The following PPID variants were observed in gnomAD, a reference collection of about 807,000 sequenced individuals.
PPID encodes peptidylprolyl isomerase D.
A neutral mutation model predicts 48.1 loss-of-function variants in PPID; 47 were observed. That is an observed-to-expected ratio of 0.98 (90% CI 0.77 to 1.25). The LOEUF (loss-of-function observed/expected upper bound fraction) is 1.25. PPID is among the 50% of genes most tolerant of loss of function. PPID has a pLI of 0.00. For missense variants in PPID, 429 were observed against 443.5 expected (o/e 0.97, Z 0.29); for synonymous variants, 163 against 148.8 (o/e 1.10, Z -0.69).
At chr4:158,710,348 AACAGTATTTAG>A (rs1195738468) in intron 9 of PPID, 1 of 517,694 alleles carries the variant, frequency 1.9e-6, no homozygotes, top group Non-Finnish European at 3.4e-6. Context: ...CCATAAGACA[AACAGTATTTAG>A]ACATATAAAA....
chr4:158,715,639 C>A lies in PPID; in HGVS notation c.568G>T (p.Gly190Trp), dbSNP rs201748429. The change falls in exon 5 of 10, where the codon GGG becomes TGG. Residue 190 changes from glycine (G) to tryptophan (W), a missense_variant. Transcript: ENST00000307720. ...ECGELKEGDDGGIFPKDGSGD... is the reference protein window; with the variant it reads ...ECGELKEGDDWGIFPKDGSGD... ...GAGCCATCTTTTGGGAATATTCCCCCGTCATCTCCTTCCTTCAATTCTCCA... is the reference window on the plus strand; with the variant it reads ...GAGCCATCTTTTGGGAATATTCCCCAGTCATCTCCTTCCTTCAATTCTCCA... The A allele has an allele frequency of 6.2e-6, 10 of 1,610,782 alleles. No homozygotes were observed. The Admixed American group carries it at 1.2e-4, about 19-fold the overall frequency.
intron 2 of PPID, 120 bp downstream of exon 2, chr4:158,721,223 A>G: frequency 8.4e-7 from 1 of 1,185,882 alleles, no homozygotes; most frequent in African/African-American, 1.5e-5. Flanking sequence ...ACTGCCTCAG[A>G]CATGGACGCT....
Position 158,715,580 on chromosome 4 carries a change from C to G in PPID, c.627G>C (p.Ala209=). ...GDSHPDFPED[A]DIDLKDVDKI... ...TACTCACATCTTTTAAATCTATATCCGCATCCTCAGGGAAATCTGGATGAC... is the reference window on the plus strand; with the variant it reads ...TACTCACATCTTTTAAATCTATATCGGCATCCTCAGGGAAATCTGGATGAC... Residue 209 remains alanine, a synonymous_variant, in exon 5 of 10, where the codon GCG becomes GCC. Transcript: ENST00000307720. 6.2e-7 allele frequency: 1 copy of G among 1,613,796 alleles called. No homozygotes were observed. Among genetic ancestry groups the G allele is most frequent in the Non-Finnish European group, 8.5e-7 (1 of 1,179,770 alleles).
chr4:158,710,458 G>A (rs1774770025), intron 9 of PPID, 170 bp downstream of exon 9: 1 of 666,730 alleles, frequency 1.5e-6, no homozygotes, highest in Non-Finnish European at 2.6e-6. Flanking sequence ...TTTGAGGGCA[G>A]GGACTTTGAC....
At position 158,719,298 on chromosome 4, in the gene PPID, GA is replaced by G; in HGVS notation, c.227-13del. On this transcript the variant is annotated splice_polypyrimidine_tract_variant and intron_variant, in intron 2 of 9. Coordinates refer to ENST00000307720, the MANE Select transcript of PPID (RefSeq NM_005038.3). ...AAATTTCTTAATAACTACAAAAAAG[GA>G]AAATGGCTATTAGTGACTGAGACAT... 1 of 1,528,256 alleles carries G rather than the reference GA, an allele frequency of 6.5e-7. No homozygotes were observed. Among genetic ancestry groups the G allele is most frequent in the Non-Finnish European group, 9.1e-7 (1 of 1,103,306 alleles). 94.7% of individuals were successfully genotyped at this position (1,528,256 alleles called of 1,614,324 possible).
intron 9 of PPID, chr4:158,710,132 T>G (rs1456790329): frequency 2.6e-6 from 1 of 382,556 alleles, no homozygotes; most frequent in Non-Finnish European, 4.7e-6. Context: ...CCAGATCTAG[T>G]GTCACTATTC....
intron 3 of PPID, 87 bp from the exon 4 acceptor site, chr4:158,717,287 C>A: frequency 7.9e-7 from 1 of 1,265,960 alleles, no homozygotes; most frequent in Non-Finnish European, 1.1e-6. Context: ...TTTTACTGAA[C>A]ATAAAACTGG....
In PPID at chr4:158,713,260, T is replaced by G; in HGVS notation, c.753A>C (p.Arg251Ser). ...MAIKKYAEVL[R>S]YVDSSKAVIE... is the part of the protein sequence containing the mutation. ...TAACAGCCTTTGAACTGTCCACGTA[T>G]CTGCAGAATGCATTAATAAAAGCAG... The change falls in exon 7 of 10, where the codon AGA (arginine) becomes AGC (serine). Residue 251 changes from arginine (R) to serine (S), a missense_variant and splice_region_variant. Transcript: ENST00000307720. 3 of 1,597,358 alleles carry G rather than the reference T, an allele frequency of 1.9e-6. No homozygotes were observed. The highest frequency in any genetic ancestry group is 8.5e-7 in the Non-Finnish European group (1 of 1,173,380).
chr4:158,710,970 A>T, intron 7 of PPID, 122 bp from the exon 8 acceptor site: 1 of 861,590 alleles, frequency 1.2e-6, no homozygotes. Flanking sequence ...GAGCTGAAAC[A>T]TGCAAATAGC....
intron 7 of PPID, among the ~76,000 whole-genome samples, chr4:158,711,332 C>T (rs1255655825): frequency 6.6e-6 from 1 of 151,826 alleles, no homozygotes; most frequent in Non-Finnish European, 1.5e-5. Context: ...CTCAAGTGCT[C>T]CTCCCACCTC....
In PPID at chr4:158,722,528, T is replaced by C. The variant is rs944225631; in HGVS notation, c.85+676A>G. ...GTCCTGTACATGCATTCAAACACAT[T>C]GCCTGGCCAGCAATTCCAACGTGTT... On this transcript the variant is annotated intron_variant, in intron 1 of 9. Transcript: ENST00000307720. Among the ~76,000 whole-genome samples the C allele has an allele frequency of 9.8e-5, 15 of 152,368 alleles. No individual in the cohort carries two copies. In the East Asian group the frequency reaches 2.3e-3, roughly 23 times the overall value.
chr4:158,721,426 A>G lies in PPID; in HGVS notation c.143T>C (p.Phe48Ser). 1 of 1,614,134 alleles carries G rather than the reference A, an allele frequency of 6.2e-7. No individual in the cohort carries two copies. Among genetic ancestry groups the G allele is most frequent in the Non-Finnish European group, 8.5e-7 (1 of 1,179,966 alleles). Residue 48 changes from phenylalanine to serine, a missense_variant, in exon 2 of 10, where the codon TTT becomes TCT. Phe to Ser is a radical substitution (Grantham distance 155). Transcript: ENST00000307720. ...TTTTTCTCCTGTACACAGTGCACGA[A>G]AATTTTCCGCAGTTTTGGGTACGAT... Reference protein sequence around the residue: ...ADIVPKTAENFRALCTGEKGI... With the variant: ...ADIVPKTAENSRALCTGEKGI...
chr4:158,710,739 T>G, intron 8 of PPID, 23 bp downstream of exon 8: 1 of 1,611,390 alleles, frequency 6.2e-7, no homozygotes, highest in Admixed American at 1.7e-5. Flanking sequence ...TTTAAAAAAT[T>G]AAACATTTGG....
At chr4:158,711,366 AG>A (rs1301693624) in intron 7 of PPID, among the ~76,000 whole-genome samples, 1 of 151,054 alleles carries the variant, frequency 6.6e-6, no homozygotes, top group Non-Finnish European at 1.5e-5. Flanking sequence ...CTGGGACTAC[AG>A]GTATGTGCCA....
At chr4:158,711,921 T>A (rs1224341557) in intron 7 of PPID, among the ~76,000 whole-genome samples, 1 of 152,126 alleles carries the variant, frequency 6.6e-6, no homozygotes, top group Non-Finnish European at 1.5e-5. Flanking sequence ...GAGCTTTGAT[T>A]GCATCACTGC....
chr4:158,723,100 C>T, intron 1 of PPID, 104 bp downstream of exon 1: 1 of 1,190,718 alleles, frequency 8.4e-7, no homozygotes, highest in Non-Finnish European at 1.2e-6. Context: ...CTCCGCGAAA[C>T]TGAGCAGTCA....
Sources: allele counts gnomAD v4.1 joint callset (sites outside exome capture counted in the v4.1 genomes callset), GRCh38; gene constraint gnomAD v4.1.1; transcripts MANE v1.5; gene names NCBI Gene and HGNC (gene_info 2026-07-23, HGNC 2026-07-21).